Variants in DGKB observed in about 807,000 individuals in gnomAD.
The protein encoded by DGKB is 90 kDa diacylglycerol kinase.
In DGKB, 67 loss-of-function variants were observed where a neutral mutation model predicts 114.3. The observed-to-expected ratio is 0.59, with a 90% CI of 0.48 to 0.72. The LOEUF (loss-of-function observed/expected upper bound fraction) is 0.72. Ranked by LOEUF, DGKB falls within the 30% of genes least tolerant of loss-of-function variation. The pLI is 0.00. For synonymous variants in DGKB, 398 were observed against 323.1 expected (o/e 1.23, Z -2.49); for missense variants, 907 against 975.2 (o/e 0.93, Z 0.93).
intron 23 of DGKB, among the ~76,000 whole-genome samples, chr7:14,182,779 G>A (rs1782829120): frequency 6.6e-6 from 1 of 152,132 alleles, no homozygotes; most frequent in Non-Finnish European, 1.5e-5. Flanking sequence ...TGACAGTTAT[G>A]CCCTGATAAT....
intron 20 of DGKB, among the ~76,000 whole-genome samples, chr7:14,492,612 T>C (rs1417195402): frequency 1.3e-5 from 2 of 152,080 alleles, no homozygotes; most frequent in Non-Finnish European, 2.9e-5. Context: ...ATCTCTGTTT[T>C]CTGCAAATCA....
chr7:14,884,145 G>A (rs911945315), intron 1 of DGKB, among the ~76,000 whole-genome samples: 3 of 151,964 alleles, frequency 2.0e-5, no homozygotes, highest in African/African-American at 7.2e-5. Flanking sequence ...TGTTGTTGCA[G>A]TGCAAAAGCA....
At chr7:14,398,911 A>G (rs1317735332) in intron 21 of DGKB, among the ~76,000 whole-genome samples, 2 of 151,980 alleles carry the variant, frequency 1.3e-5, no homozygotes, top group Non-Finnish European at 1.5e-5. Flanking sequence ...TGCTTAGGAA[A>G]GATCTAGGGG....
chr7:14,202,861 G>T (rs1786119771), intron 23 of DGKB, among the ~76,000 whole-genome samples: 1 of 151,620 alleles, frequency 6.6e-6, no homozygotes, highest in Admixed American at 6.6e-5. Flanking sequence ...TTCCAGATAA[G>T]TCACCATGCA....
At chr7:14,937,335 A>G (rs2128253118) in intron 1 of DGKB, among the ~76,000 whole-genome samples, 1 of 152,184 alleles carries the variant, frequency 6.6e-6, no homozygotes, top group South Asian at 2.1e-4. Flanking sequence ...AAAGGAGACA[A>G]TCATGTATAT....
chr7:14,842,637 A>T (rs1848092083), intron 1 of DGKB, among the ~76,000 whole-genome samples: 2 of 152,130 alleles, frequency 1.3e-5, no homozygotes, highest in Admixed American at 6.6e-5. Context: ...CACTAATTTC[A>T]TCCTAACTGT....
At chr7:14,412,890 A>T (rs1825120285) in intron 21 of DGKB, among the ~76,000 whole-genome samples, 1 of 151,972 alleles carries the variant, frequency 6.6e-6, no homozygotes, top group Non-Finnish European at 1.5e-5. Context: ...CTGAGACAGG[A>T]GAATCGCTTG....
At chr7:14,944,759 AC>A (rs1200496659) in intron 1 of DGKB, among the ~76,000 whole-genome samples, 3 of 151,548 alleles carry the variant, frequency 2.0e-5, no homozygotes, top group African/African-American at 7.3e-5. Context: ...TACAGGACAG[AC>A]CCCCACAATC....
chr7:14,964,926 G>C (rs558082036), intron 1 of DGKB, among the ~76,000 whole-genome samples: 1 of 152,066 alleles, frequency 6.6e-6, no homozygotes, highest in Admixed American at 6.6e-5. Context: ...ACCCAACAAT[G>C]ATTACAATTT....
intron 23 of DGKB, among the ~76,000 whole-genome samples, chr7:14,195,086 G>A (rs1784833441): frequency 6.6e-6 from 1 of 152,212 alleles, no homozygotes; most frequent in Non-Finnish European, 1.5e-5. Context: ...ATCAGTAAAT[G>A]TAAATGGTGT....
At chr7:14,763,752 G>T (rs10251472) in intron 2 of DGKB, among the ~76,000 whole-genome samples, 2,055 of 152,106 alleles carry the variant, frequency 0.014, 37 homozygotes, top group African/African-American at 0.046. Context: ...GCTGTGAGAA[G>T]ACTATCATAT....
In DGKB at chr7:14,689,910, T is replaced by G. The variant is rs191658762; in HGVS notation, c.711+4165A>C. 1.2e-4 allele frequency among the ~76,000 whole-genome samples: 19 copies of G among 152,272 alleles called. No homozygotes were observed. The South Asian group carries it at 2.5e-3, about 20-fold the overall frequency. On this transcript the variant is annotated intron_variant, in intron 9 of 25. Transcript: ENST00000402815. ...TGAGAGTCAAGAAAAAAATGTGTCT[T>G]AAACAATCTCAGTCAAAGGCAAAGT...
intron 6 of DGKB, among the ~76,000 whole-genome samples, chr7:14,717,635 C>T (rs1319731328): frequency 6.6e-6 from 1 of 151,856 alleles, no homozygotes; most frequent in Non-Finnish European, 1.5e-5. Context: ...TAAAAATGCC[C>T]CCCAATAATA....
intron 17 of DGKB, among the ~76,000 whole-genome samples, chr7:14,598,727 T>C (rs1803021853): frequency 6.6e-6 from 1 of 152,136 alleles, no homozygotes; most frequent in African/African-American, 2.4e-5. Flanking sequence ...AAATCTATTA[T>C]AAAGTAAATA....
intron 1 of DGKB, among the ~76,000 whole-genome samples, chr7:14,870,633 T>C (rs1852317039): frequency 6.6e-6 from 1 of 152,024 alleles, no homozygotes; most frequent in Admixed American, 6.5e-5. Context: ...CCGTCTCTAC[T>C]AAAAATACAA....
chr7:14,895,548 A>G (rs1003163224), intron 1 of DGKB, among the ~76,000 whole-genome samples: 4 of 151,572 alleles, frequency 2.6e-5, no homozygotes, highest in African/African-American at 7.3e-5. Flanking sequence ...ACAGCAAATC[A>G]TGGACTTGTT....
At chr7:14,203,154 C>A (rs1786166552) in intron 23 of DGKB, among the ~76,000 whole-genome samples, 1 of 52,492 alleles carries the variant, frequency 1.9e-5, no homozygotes, top group Non-Finnish European at 3.0e-5. Flanking sequence ...TCAAAAAGAG[C>A]AGTAGCCAAA....
intron 23 of DGKB, among the ~76,000 whole-genome samples, chr7:14,186,969 A>AACTT (rs1181673915): frequency 6.6e-6 from 1 of 152,136 alleles, no homozygotes; most frequent in Non-Finnish European, 1.5e-5. Context: ...ACCACTAAAA[A>AACTT]ACTTACTCAT....
intron 22 of DGKB, among the ~76,000 whole-genome samples, chr7:14,343,156 T>TA (rs1562972625): frequency 2.4e-3 from 86 of 36,434 alleles, no homozygotes; most frequent in African/African-American, 7.2e-3. Flanking sequence ...TGCCTAGCTA[T>TA]CCACACACAC....
Sources: gnomAD v4.1 joint callset for allele counts (sites outside exome capture counted in the v4.1 genomes callset) on GRCh38, gnomAD v4.1.1 for gene constraint, MANE v1.5 for transcripts, NCBI Gene and HGNC (gene_info 2026-07-23, HGNC 2026-07-21) for gene names.